The following LHFPL3 variants were observed in gnomAD, a reference collection of about 807,000 sequenced individuals.
LHFPL3 encodes LHFPL tetraspan subfamily member 3 protein.
A neutral mutation model predicts 19.3 loss-of-function variants in LHFPL3; 5 were observed. The ratio of observed to expected loss-of-function variants is 0.26; its 90% confidence interval spans 0.14 to 0.54. LHFPL3 has a LOEUF of 0.54. LHFPL3 is among the 20% of genes least tolerant of loss of function. The pLI is 0.94. For synonymous variants in LHFPL3, 133 were observed against 126.2 expected (o/e 1.05, Z -0.36); for missense variants, 249 against 307.4 (o/e 0.81, Z 1.42).
chr7:104,369,963 T>C (rs899388995), intron 1 of LHFPL3, among the ~76,000 whole-genome samples: 1 of 152,240 alleles, frequency 6.6e-6, no homozygotes, highest in Admixed American at 6.5e-5. Context: ...GCTGGTCTTT[T>C]CACACATCAA....
intron 1 of LHFPL3, among the ~76,000 whole-genome samples, chr7:104,392,669 A>G (rs112688193): frequency 6.6e-6 from 1 of 152,140 alleles, no homozygotes; most frequent in Non-Finnish European, 1.5e-5. Context: ...TGTCTCTGCC[A>G]GGCTTTGGTA....
chr7:104,420,558 T>A (rs1353672175), intron 1 of LHFPL3, among the ~76,000 whole-genome samples: 15 of 142,204 alleles, frequency 1.1e-4, no homozygotes, highest in East Asian at 8.3e-4. Flanking sequence ...GGGTGAATTT[T>A]TTTTTTTTTT....
chr7:104,429,301 CTTTTTT>C (rs71823474), intron 1 of LHFPL3, among the ~76,000 whole-genome samples: 1 of 84,532 alleles, frequency 1.2e-5, no homozygotes, highest in Non-Finnish European at 2.1e-5. Flanking sequence ...TATGTCATTC[CTTTTTT>C]TTTTTTTTTT....
At chr7:104,565,605 T>G (rs1266590966) in intron 1 of LHFPL3, among the ~76,000 whole-genome samples, 4 of 152,186 alleles carry the variant, frequency 2.6e-5, no homozygotes, top group Non-Finnish European at 4.4e-5. Flanking sequence ...AGATTACTTA[T>G]GGCCTGGTAC....
chr7:104,604,685 A>T (rs17139096), intron 1 of LHFPL3, among the ~76,000 whole-genome samples: 1 of 152,138 alleles, frequency 6.6e-6, no homozygotes, highest in Non-Finnish European at 1.5e-5. Context: ...GTTGGCAGGA[A>T]CTCTGAAATA....
intron 1 of LHFPL3, among the ~76,000 whole-genome samples, chr7:104,641,041 C>T (rs1350460472): frequency 2.0e-5 from 3 of 152,292 alleles, no homozygotes; most frequent in Admixed American, 1.3e-4. Flanking sequence ...CCCAAGTGAA[C>T]ATATCTGTGG....
intron 1 of LHFPL3, among the ~76,000 whole-genome samples, chr7:104,735,886 T>C (rs2116299390): frequency 6.6e-6 from 1 of 152,366 alleles, no homozygotes; most frequent in South Asian, 2.1e-4. Flanking sequence ...TTGATAGACA[T>C]TAGGTTGATT....
chr7:104,432,533 CT>C (rs1792022466), intron 1 of LHFPL3, among the ~76,000 whole-genome samples: 1 of 152,128 alleles, frequency 6.6e-6, no homozygotes, highest in Non-Finnish European at 1.5e-5. Context: ...ATCTCATCTC[CT>C]TCAAAGGCCT....
intron 1 of LHFPL3, among the ~76,000 whole-genome samples, chr7:104,608,770 A>C (rs1791155809): frequency 6.6e-6 from 1 of 152,168 alleles, no homozygotes; most frequent in South Asian, 2.1e-4. Context: ...GTATTGGTGC[A>C]TCAGTCAGTC....
intron 1 of LHFPL3, among the ~76,000 whole-genome samples, chr7:104,445,029 C>T (rs1179978221): frequency 1.3e-5 from 2 of 151,848 alleles, no homozygotes; most frequent in Admixed American, 1.3e-4. Context: ...GTGGGACACT[C>T]TCTGATTAAT....
At chr7:104,736,550 T>G (rs80156588) in intron 1 of LHFPL3, 125 bp from the exon 2 acceptor site, 3 of 668,190 alleles carry the variant, frequency 4.5e-6, no homozygotes, top group East Asian at 5.5e-5. Flanking sequence ...GTGGTGAGAT[T>G]TGCTGTTTTT....
Position 104,736,907 on chromosome 7 carries a change from C to T in LHFPL3, c.678C>T (p.Asn226=). 1 of 1,595,332 alleles carries T rather than the reference C, an allele frequency of 6.3e-7. No individual in the cohort carries two copies. The highest frequency in any genetic ancestry group is 2.3e-5 in the East Asian group (1 of 44,324). Residue 226 remains asparagine (N), a synonymous_variant, in exon 2 of 3, where the codon AAC becomes AAT. Transcript: ENST00000424859. ...TGGCAGAGGAACTGAAGGCAGAAAA[C>T]AAAGGTAAGATTGCTTTAAGGAACT... ...SLMAEELKAE[N]KVLLSQYSLE
intron 2 of LHFPL3, among the ~76,000 whole-genome samples, chr7:104,759,099 G>T (rs55800087): frequency 0.23 from 35,344 of 152,076 alleles, 4,396 homozygotes; most frequent in South Asian, 0.45. Flanking sequence ...TTTATTGTCT[G>T]TTGTTAAGCA....
At chr7:104,630,162 T>C (rs1361984882) in intron 1 of LHFPL3, among the ~76,000 whole-genome samples, 6 of 152,192 alleles carry the variant, frequency 3.9e-5, no homozygotes, top group Admixed American at 2.6e-4. Flanking sequence ...AACAGTCTTA[T>C]TGAAGAGATT....
intron 1 of LHFPL3, among the ~76,000 whole-genome samples, chr7:104,695,133 T>TA (rs34610725): frequency 0.52 from 78,512 of 151,806 alleles, 20,564 homozygotes; most frequent in East Asian, 0.59. Context: ...ATTTTTTTTT[T>TA]AAGACAGGTC....
intron 1 of LHFPL3, among the ~76,000 whole-genome samples, chr7:104,704,559 A>G (rs1266778458): frequency 1.3e-5 from 2 of 151,662 alleles, no homozygotes; most frequent in African/African-American, 4.9e-5. Flanking sequence ...CACAAATGAT[A>G]CAAGAGTGAT....
intron 2 of LHFPL3, chr7:104,785,412 A>T (rs1456478340): frequency 6.6e-6 from 1 of 152,214 alleles, no homozygotes; most frequent in Non-Finnish European, 1.5e-5. Flanking sequence ...CTGCTAAGTA[A>T]GTGAATATCT....
intron 1 of LHFPL3, among the ~76,000 whole-genome samples, chr7:104,590,207 G>A (rs918724316): frequency 2.6e-5 from 4 of 151,692 alleles, no homozygotes; most frequent in Admixed American, 6.6e-5. Flanking sequence ...GTGATGTTAG[G>A]GTGTCAATTT....
At chr7:104,776,055 G>T (rs1399088895) in intron 2 of LHFPL3, among the ~76,000 whole-genome samples, 1 of 152,068 alleles carries the variant, frequency 6.6e-6, no homozygotes, top group African/African-American at 2.4e-5. Context: ...AAACTGGTTG[G>T]TACCAGACTA....
Sources: allele counts gnomAD v4.1 joint callset (sites outside exome capture counted in the v4.1 genomes callset), GRCh38; gene constraint gnomAD v4.1.1; transcripts MANE v1.5; gene names NCBI Gene and HGNC (gene_info 2026-07-23, HGNC 2026-07-21).